Variants in ACVR1B observed in about 807,000 individuals in gnomAD.
ACVR1B encodes activin A receptor type 1B.
In ACVR1B, 15 loss-of-function variants were observed where a neutral mutation model predicts 55.6. The ratio of observed to expected loss-of-function variants is 0.27; its 90% CI spans 0.18 to 0.42. The LOEUF is 0.42. Among genes scored for constraint, ACVR1B ranks in the 10% least tolerant of loss-of-function variants. ACVR1B has a pLI of 1.00. For synonymous variants in ACVR1B, 247 were observed against 254.6 expected (o/e 0.97, Z 0.28); for missense variants, 359 against 670.1 (o/e 0.54, Z 5.13).
intron 1 of ACVR1B, among the ~76,000 whole-genome samples, chr12:51,955,094 A>G (rs1941383076): frequency 6.6e-6 from 1 of 152,204 alleles, no homozygotes; most frequent in Non-Finnish European, 1.5e-5. Flanking sequence ...TGGTTTGGCA[A>G]CGTTTTAATT....
At chr12:51,976,190 A>G (rs1941849682) in intron 2 of ACVR1B, 137 bp from the exon 3 acceptor site, 4 of 1,033,746 alleles carry the variant, frequency 3.9e-6, no homozygotes, top group African/African-American at 1.6e-5. Flanking sequence ...AGCCCAGAAG[A>G]TTAGAGAGAT....
At chr12:51,986,173 T>C (rs879828123) in intron 6 of ACVR1B, among the ~76,000 whole-genome samples, 6 of 152,212 alleles carry the variant, frequency 3.9e-5, no homozygotes, top group Non-Finnish European at 7.3e-5. Flanking sequence ...CAACCAAATA[T>C]TAGGTACTGT....
intron 7 of ACVR1B, among the ~76,000 whole-genome samples, chr12:51,989,108 T>C (rs1011706544): frequency 1.3e-5 from 2 of 151,876 alleles, no homozygotes; most frequent in African/African-American, 2.4e-5. Flanking sequence ...ATACAAAAAT[T>C]AGCCGGGTGT....
intron 1 of ACVR1B, among the ~76,000 whole-genome samples, chr12:51,961,496 C>T (rs1391840614): frequency 6.6e-6 from 1 of 152,252 alleles, no homozygotes; most frequent in African/African-American, 2.4e-5. Flanking sequence ...TCTGTTTATC[C>T]TACCACCTAC....
chr12:51,994,411 C>G lies in ACVR1B; in HGVS notation c.*301C>G, dbSNP rs1018869949. ...GTCCCGCGAAACCCGGTGCATCTGG[C>G]ACGTGGCCAGGAGCCATGACAGGGG... On this transcript the variant is annotated 3_prime_UTR_variant, in exon 9 of 9. Transcript: ENST00000257963. The surrounding 1 kb of genome is among the most constrained non-coding windows in gnomAD (Gnocchi z 4.2). The G allele has an allele frequency of 5.8e-6, 2 of 347,374 alleles. No individual in the cohort carries two copies. The highest frequency in any genetic ancestry group is 1.1e-5 in the Non-Finnish European group (2 of 185,904). The allele number at this position is 347,374 out of a possible 1,614,324, so 21.5% of individuals were successfully genotyped here. A position where few individuals can be genotyped will look rare whatever the true frequency, so the allele number is the denominator to read the frequency against.
chr12:51,990,199 A>T (rs1942162839), intron 7 of ACVR1B, among the ~76,000 whole-genome samples: 1 of 151,856 alleles, frequency 6.6e-6, no homozygotes, highest in African/African-American at 2.4e-5. Context: ...AGGCTGAGGC[A>T]GAAGAATCGC....
At chr12:51,991,275 C>A (rs1942187260) in intron 7 of ACVR1B, among the ~76,000 whole-genome samples, 1 of 152,110 alleles carries the variant, frequency 6.6e-6, no homozygotes, top group South Asian at 2.1e-4. Context: ...CTTAAAAGTT[C>A]CCATCTTTGC....
intron 5 of ACVR1B, 41 bp downstream of exon 5, chr12:51,984,207 T>C (rs1942035841): frequency 6.2e-7 from 1 of 1,610,822 alleles, no homozygotes; most frequent in Non-Finnish European, 8.5e-7. Context: ...GGTGTAGGCA[T>C]GAAAGGTCCG....
chr12:51,975,380 C>T lies in ACVR1B; in HGVS notation c.207C>T (p.Cys69=), dbSNP rs1311839057. 4 of 1,614,102 alleles carry T rather than the reference C, an allele frequency of 2.5e-6. No individual in the cohort carries two copies. Among genetic ancestry groups the T allele is most frequent in the Admixed American group, 1.7e-5 (1 of 60,010 alleles). The part of the protein sequence containing the change: ...LDGMEHHVRT[C]IPKVELVPAG... ...GGATGGAGCACCATGTGCGCACCTG[C>T]ATCCCCAAAGTGGAGCTGGTCCCTG... is the stretch of plus-strand genomic sequence containing the variant. The change falls in exon 2 of 9, where the codon TGC becomes TGT. Residue 69 remains cysteine (C), a synonymous_variant. Transcript: ENST00000257963.
Position 51,951,701 on chromosome 12 carries a change from G to T in ACVR1B, c.-43G>T. The T allele has an allele frequency of 2.3e-5, 25 of 1,067,984 alleles. No individual in the cohort carries two copies. The highest frequency in any genetic ancestry group is 5.0e-5 in the East Asian group (1 of 19,888). 66.2% of individuals were successfully genotyped at this position (1,067,984 alleles called of 1,614,324 possible). A position where few individuals can be genotyped will look rare whatever the true frequency, so the allele number is the denominator to read the frequency against. On this transcript the variant is annotated 5_prime_UTR_variant, in exon 1 of 9. Transcript: ENST00000257963. ...CCGGGGGCGCGCGCGCGCGCGCTGG[G>T]CGCTGCTGGGCTGCGGCGGCGGCGG...
chr12:51,977,590 A>G (rs1486449105), intron 3 of ACVR1B, among the ~76,000 whole-genome samples: 1 of 149,484 alleles, frequency 6.7e-6, no homozygotes, highest in Non-Finnish European at 1.5e-5. Context: ...TATTTTTGTG[A>G]CAATGGTATT....
intron 7 of ACVR1B, 109 bp from the exon 8 acceptor site, chr12:51,991,754 C>A (rs1439070033): frequency 1.4e-5 from 17 of 1,206,102 alleles, no homozygotes; most frequent in Non-Finnish European, 1.9e-5. Context: ...TTCTAAGGAA[C>A]CTTAGGGGGT....
At chr12:51,954,586 A>G (rs1330798057) in intron 1 of ACVR1B, among the ~76,000 whole-genome samples, 1 of 152,244 alleles carries the variant, frequency 6.6e-6, no homozygotes, top group African/African-American at 2.4e-5. Context: ...CTCCTGGAAC[A>G]GATGTGATAA....
chr12:51,986,688 T>C (rs1181618007), intron 6 of ACVR1B, 130 bp from the exon 7 acceptor site: 18 of 1,285,966 alleles, frequency 1.4e-5, no homozygotes, highest in Non-Finnish European at 1.9e-5. Flanking sequence ...ATGTGTACAC[T>C]TCTTCTGCCC....
intron 1 of ACVR1B, chr12:51,953,530 TTCG>T: frequency 2.0e-6 from 2 of 985,232 alleles, no homozygotes; most frequent in Non-Finnish European, 2.4e-6. Flanking sequence ...AATAAGGATG[TTCG>T]TCGGGCCTTA....
Position 51,981,177 on chromosome 12 carries a change from A to C in ACVR1B, c.789A>C (p.Gly263=). The part of the protein sequence containing the change: ...TVMLRHENIL[G]FIAADNKDNG... ...TGCTGCGCCATGAAAACATCCTTGG[A>C]TTTATTGCTGCTGACAATAAAGGTA... The change falls in exon 4 of 9, where the codon GGA becomes GGC. Residue 263 remains glycine (G), a synonymous_variant. Coordinates refer to ENST00000257963, the MANE Select transcript of ACVR1B (RefSeq NM_004302.5). 1.2e-6 allele frequency: 2 copies of C among 1,614,088 alleles called. No individual in the cohort carries two copies. Among genetic ancestry groups the C allele is most frequent in the Non-Finnish European group, 1.7e-6 (2 of 1,179,968 alleles).
chr12:51,959,373 C>T (rs186298061), intron 1 of ACVR1B, among the ~76,000 whole-genome samples: 9 of 152,352 alleles, frequency 5.9e-5, no homozygotes, highest in Non-Finnish European at 4.4e-5. Context: ...CCAACAGCCA[C>T]ATGGCAAGGA....
intron 1 of ACVR1B, among the ~76,000 whole-genome samples, chr12:51,962,257 C>A (rs1941545959): frequency 6.6e-6 from 1 of 152,158 alleles, no homozygotes; most frequent in Admixed American, 6.5e-5. Context: ...TATCAAGTGT[C>A]TTATTGTTAA....
chr12:51,961,175 G>A (rs927005132), intron 1 of ACVR1B, among the ~76,000 whole-genome samples: 1 of 152,158 alleles, frequency 6.6e-6, no homozygotes, highest in Non-Finnish European at 1.5e-5. Context: ...GAGTTGCACT[G>A]TTTATAGTTG....
Sources: gnomAD v4.1 joint callset for allele counts (sites outside exome capture counted in the v4.1 genomes callset) on GRCh38, gnomAD v4.1.1 for gene constraint, Gnocchi (gnomAD v3.1) non-coding constraint, MANE v1.5 for transcripts, NCBI Gene and HGNC (gene_info 2026-07-23, HGNC 2026-07-21) for gene names.